The following GLUD1 variants were observed in gnomAD, a reference collection of about 807,000 sequenced individuals.
GLUD1 encodes the protein glutamate dehydrogenase 1.
GLUD1 carries 22 observed loss-of-function variants against 56.0 expected under a neutral mutation model. That is an observed-to-expected ratio of 0.39 (90% CI 0.28 to 0.56). The LOEUF is 0.56. Ranked by LOEUF, GLUD1 falls within the 20% of genes least tolerant of loss-of-function variation. The probability of loss-of-function intolerance (pLI) is 0.58; values close to 1 mark genes in which losing one functional copy is unlikely to be tolerated. For synonymous variants in GLUD1, 223 were observed against 269.9 expected, an observed-to-expected ratio of 0.83 and a Z score of 1.70; for missense variants, 451 against 732.0, an observed-to-expected ratio of 0.62 and a Z score of 4.43.
chr10:87,082,491 T>C (rs1841285581), intron 1 of GLUD1, among the ~76,000 whole-genome samples: 1 of 152,152 alleles, frequency 6.6e-6, no homozygotes, highest in Non-Finnish European at 1.5e-5. Context: ...CTGTAGGCTA[T>C]GAACCAATAA....
intron 4 of GLUD1, 80 bp from the exon 5 acceptor site, chr10:87,068,237 T>C: frequency 1.2e-6 from 1 of 838,712 alleles, no homozygotes; most frequent in Non-Finnish European, 2.0e-6. Flanking sequence ...TGTAAGTCTC[T>C]GTAATAACCA....
At chr10:87,070,414 C>T (rs1020791421) in intron 4 of GLUD1, among the ~76,000 whole-genome samples, 4 of 152,200 alleles carry the variant, frequency 2.6e-5, no homozygotes, top group Admixed American at 6.5e-5. Context: ...TCCTGGCCAA[C>T]GTGGTAAAAC....
chr10:87,069,968 C>T (rs775373661), intron 4 of GLUD1, among the ~76,000 whole-genome samples: 1 of 152,224 alleles, frequency 6.6e-6, no homozygotes, highest in Non-Finnish European at 1.5e-5. Context: ...GGCTCTCTGG[C>T]GCTCTCCAGC....
At chr10:87,078,035 G>A (rs140417845) in intron 1 of GLUD1, among the ~76,000 whole-genome samples, 1,828 of 152,184 alleles carry the variant, frequency 0.012, 29 homozygotes, top group Middle Eastern at 0.065. Context: ...TTTCTTACAT[G>A]TTTCTGAAAA....
At chr10:87,087,871 G>A (rs1280493207) in intron 1 of GLUD1, among the ~76,000 whole-genome samples, 2 of 152,056 alleles carry the variant, frequency 1.3e-5, no homozygotes, top group African/African-American at 2.4e-5. Context: ...ACATGAGGTC[G>A]GGAGTTCGAG....
At chr10:87,088,954 A>AT (rs1841450777) in intron 1 of GLUD1, among the ~76,000 whole-genome samples, 1 of 152,204 alleles carries the variant, frequency 6.6e-6, no homozygotes, top group Admixed American at 6.5e-5. Flanking sequence ...TTGATGGAAA[A>AT]CTGTTTAAAA....
At position 87,094,584 on chromosome 10, in the gene GLUD1, G is replaced by C; in HGVS notation, c.186C>G (p.Asp62Glu). Reference protein sequence around the residue: ...HYSEAVADREDDPNFFKMVEG... With the variant: ...HYSEAVADREEDPNFFKMVEG... ...CCACCATCTTGAAGAAGTTGGGGTCGTCCTCGCGGTCGGCCACCGCCTCGC... is the reference window on the plus strand; with the variant it reads ...CCACCATCTTGAAGAAGTTGGGGTCCTCCTCGCGGTCGGCCACCGCCTCGC... The change falls in exon 1 of 13, where the codon GAC (aspartate) becomes GAG (glutamate). Residue 62 changes from aspartate (D) to glutamate (E), a missense_variant. This residue lies in a region of GLUD1 where 158 missense variants were observed against 189.7 expected (regional missense o/e 0.83). Coordinates refer to ENST00000277865, the MANE Select transcript of GLUD1 (RefSeq NM_005271.5). The surrounding 1 kb of genome is among the most constrained non-coding windows in gnomAD (Gnocchi z 6.6). The C allele has an allele frequency of 4.3e-6, 7 of 1,611,404 alleles. No individual in the cohort carries two copies. The highest frequency in any genetic ancestry group is 5.9e-6 in the Non-Finnish European group (7 of 1,179,806).
chr10:87,056,678 G>C (rs1259864936), intron 11 of GLUD1, among the ~76,000 whole-genome samples: 2 of 152,060 alleles, frequency 1.3e-5, no homozygotes, highest in Admixed American at 6.5e-5. Context: ...TCCCAGAGGG[G>C]AGATTGTCAT....
At chr10:87,054,155 T>C (rs1845707416) in intron 11 of GLUD1, among the ~76,000 whole-genome samples, 1 of 152,136 alleles carries the variant, frequency 6.6e-6, no homozygotes, top group Non-Finnish European at 1.5e-5. Context: ...TTAAAATGGG[T>C]CACTGATATA....
chr10:87,069,953 A>G (rs1846186435), intron 4 of GLUD1, among the ~76,000 whole-genome samples: 1 of 152,236 alleles, frequency 6.6e-6, no homozygotes, highest in South Asian at 2.1e-4. Flanking sequence ...ATCCACTGAC[A>G]AAAGGGCTCT....
At chr10:87,080,110 G>GT (rs1286333768) in intron 1 of GLUD1, among the ~76,000 whole-genome samples, 1 of 151,864 alleles carries the variant, frequency 6.6e-6, no homozygotes, top group East Asian at 1.9e-4. Flanking sequence ...ACTGGTTTTC[G>GT]TATTTTTTTG....
intron 3 of GLUD1, among the ~76,000 whole-genome samples, chr10:87,075,518 A>G (rs570664871): frequency 6.6e-6 from 1 of 152,314 alleles, no homozygotes; most frequent in South Asian, 2.1e-4. Flanking sequence ...AATTCTTTAC[A>G]TTTTTCTATT....
At chr10:87,062,471 C>T (rs992968000) in intron 6 of GLUD1, among the ~76,000 whole-genome samples, 185 bp downstream of exon 6, 1 of 152,120 alleles carries the variant, frequency 6.6e-6, no homozygotes, top group Non-Finnish European at 1.5e-5. Flanking sequence ...ATACTTAAAT[C>T]AGTTCTAGTT....
intron 11 of GLUD1, among the ~76,000 whole-genome samples, chr10:87,055,720 T>C (rs1284808964): frequency 6.6e-6 from 1 of 152,238 alleles, no homozygotes; most frequent in Non-Finnish European, 1.5e-5. Flanking sequence ...GTACCTAGAA[T>C]GGGTAAAGCA....
chr10:87,088,395 AG>A (rs926777385), intron 1 of GLUD1, among the ~76,000 whole-genome samples: 7 of 152,222 alleles, frequency 4.6e-5, no homozygotes, highest in African/African-American at 1.4e-4. Flanking sequence ...TCTTGCCTGC[AG>A]GAACAAAAAA....
intron 1 of GLUD1, among the ~76,000 whole-genome samples, chr10:87,080,457 G>A (rs1037554914): frequency 2.7e-4 from 40 of 149,644 alleles, no homozygotes; most frequent in African/African-American, 9.4e-4. Context: ...AGTGAGGAGC[G>A]TCTCTGCCCT....
At position 87,051,598 on chromosome 10, in the gene GLUD1, C is replaced by T. The variant is rs1378158665; in HGVS notation, c.*153G>A. On this transcript the variant is annotated 3_prime_UTR_variant, in exon 13 of 13. Transcript: ENST00000277865. ...ATCCGCTAACCTTAATTTCTTTCTCCTTAACGGGCTGACTTGGATTGACTT... is the reference window on the plus strand; with the variant it reads ...ATCCGCTAACCTTAATTTCTTTCTCTTTAACGGGCTGACTTGGATTGACTT... 97 of 892,496 alleles carry T rather than the reference C, an allele frequency of 1.1e-4. 5 individuals carry two copies. The South Asian group carries it at 1.2e-3, about 11-fold the overall frequency. 55.3% of individuals were successfully genotyped at this position (892,496 alleles called of 1,614,324 possible). A position where few individuals can be genotyped will look rare whatever the true frequency, so the allele number is the denominator to read the frequency against.
intron 12 of GLUD1, among the ~76,000 whole-genome samples, chr10:87,052,372 C>T (rs571425006): frequency 3.9e-5 from 6 of 152,052 alleles, no homozygotes; most frequent in South Asian, 2.1e-4. Flanking sequence ...CCTGTAATCC[C>T]GGCTACTCGG....
At chr10:87,056,985 G>A (rs577050577) in intron 11 of GLUD1, among the ~76,000 whole-genome samples, 57 of 147,566 alleles carry the variant, frequency 3.9e-4, no homozygotes, top group African/African-American at 5.3e-4. Flanking sequence ...TTTTTTTGGC[G>A]GGGGGAGGGG....
Sources: gnomAD v4.1 joint callset for allele counts (sites outside exome capture counted in the v4.1 genomes callset) on GRCh38, gnomAD v4.1.1 for gene constraint, gnomAD v4.1.1 regional missense constraint, Gnocchi (gnomAD v3.1) non-coding constraint, MANE v1.5 for transcripts, NCBI Gene and HGNC (gene_info 2026-07-23, HGNC 2026-07-21) for gene names.